Variants in AFF4 observed in about 807,000 individuals in gnomAD.
AFF4 encodes the protein AF4/FMR2 family member 4.
Under a neutral mutation model 124.8 loss-of-function variants are expected in AFF4, and 13 were observed. That is an observed-to-expected ratio of 0.10 (90% CI 0.07 to 0.17). The LOEUF (loss-of-function observed/expected upper bound fraction) is 0.17, where lower values mean the gene tolerates loss of function less well. Among genes scored for constraint, AFF4 ranks in the 10% least tolerant of loss-of-function variants. The pLI is 1.00. For missense variants in AFF4, 1,092 were observed against 1,403.8 expected, an observed-to-expected ratio of 0.78 and a Z score of 3.55; for synonymous variants, 477 against 496.1, an observed-to-expected ratio of 0.96 and a Z score of 0.51.
At chr5:132,956,450 G>A (rs1761959061) in intron 1 of AFF4, among the ~76,000 whole-genome samples, 1 of 151,940 alleles carries the variant, frequency 6.6e-6, no homozygotes, top group African/African-American at 2.4e-5. Context: ...GGCCAACCTG[G>A]CAAAACCCCA....
chr5:132,907,582 G>A (rs1441902953), intron 5 of AFF4, among the ~76,000 whole-genome samples: 1 of 152,098 alleles, frequency 6.6e-6, no homozygotes, highest in Non-Finnish European at 1.5e-5. Flanking sequence ...GTTTGTAATT[G>A]TGCATGCATG....
intron 10 of AFF4, 74 bp from the exon 11 acceptor site, chr5:132,897,314 A>C: frequency 6.7e-7 from 1 of 1,491,656 alleles, no homozygotes; most frequent in Non-Finnish European, 9.1e-7. Context: ...TTACAACCTC[A>C]AAGAAGAGGA....
chr5:132,961,152 G>A (rs1762072708), intron 1 of AFF4, among the ~76,000 whole-genome samples: 1 of 152,072 alleles, frequency 6.6e-6, no homozygotes, highest in South Asian at 2.1e-4. Flanking sequence ...TTGAACCCAG[G>A]AGGCAGAGGT....
chr5:132,916,821 A>G (rs1281523637), intron 5 of AFF4, among the ~76,000 whole-genome samples: 1 of 152,234 alleles, frequency 6.6e-6, no homozygotes, highest in Admixed American at 6.5e-5. Flanking sequence ...AACTTTTAAA[A>G]TCAAATTCAG....
chr5:132,944,622 G>A (rs62381910), intron 1 of AFF4, among the ~76,000 whole-genome samples: 17,746 of 152,006 alleles, frequency 0.12, 1,882 homozygotes, highest in East Asian at 0.45. Flanking sequence ...ACTCCAGCCT[G>A]AGTGACAGAG....
At chr5:132,951,163 G>A (rs1035675237) in intron 1 of AFF4, among the ~76,000 whole-genome samples, 4 of 151,884 alleles carry the variant, frequency 2.6e-5, no homozygotes, top group African/African-American at 9.7e-5. Flanking sequence ...GGCAGAGGTT[G>A]CAGCGAGCAG....
At chr5:132,958,465 CAAAAA>C (rs34337170) in intron 1 of AFF4, among the ~76,000 whole-genome samples, 10 of 55,710 alleles carry the variant, frequency 1.8e-4, no homozygotes, top group South Asian at 1.4e-3. Context: ...GACCCTGTCT[CAAAAA>C]AAAAAAAAAA....
chr5:132,957,196 C>A (rs776680663), intron 1 of AFF4, among the ~76,000 whole-genome samples: 3 of 151,468 alleles, frequency 2.0e-5, no homozygotes, highest in Non-Finnish European at 2.9e-5. Flanking sequence ...AAAAATTTAG[C>A]CAGGTATGGT....
chr5:132,951,031 C>A (rs549770861), intron 1 of AFF4, among the ~76,000 whole-genome samples: 2 of 152,304 alleles, frequency 1.3e-5, no homozygotes, highest in Admixed American at 1.3e-4. Context: ...TCAAGACCAG[C>A]CTGGCCAACA....
chr5:132,941,803 T>C (rs942456360), intron 1 of AFF4, among the ~76,000 whole-genome samples: 2 of 151,972 alleles, frequency 1.3e-5, no homozygotes, highest in African/African-American at 4.8e-5. Flanking sequence ...AGGTCAGGCA[T>C]TTGAGATGAG....
chr5:132,927,741 A>G (rs183928525), intron 4 of AFF4, among the ~76,000 whole-genome samples: 1 of 152,358 alleles, frequency 6.6e-6, no homozygotes, highest in Admixed American at 6.5e-5. Context: ...AATGAACATT[A>G]TATTTCATCC....
intron 1 of AFF4, among the ~76,000 whole-genome samples, chr5:132,951,773 C>T (rs1761848073): frequency 6.6e-6 from 1 of 152,002 alleles, no homozygotes; most frequent in South Asian, 2.1e-4. Context: ...AGTGATCGGC[C>T]CACCTCGGCC....
At chr5:132,886,474 T>G (rs1239310312) in intron 17 of AFF4, 71 bp from the exon 18 acceptor site, 1 of 1,410,200 alleles carries the variant, frequency 7.1e-7, no homozygotes, top group Non-Finnish European at 1.0e-6. Context: ...AGACAGCCTT[T>G]GCATTGTGCA....
intron 1 of AFF4, among the ~76,000 whole-genome samples, chr5:132,957,346 T>C (rs964231042): frequency 6.6e-6 from 1 of 151,754 alleles, no homozygotes; most frequent in Non-Finnish European, 1.5e-5. Flanking sequence ...TCCAAAAAAA[T>C]AATAATTATT....
intron 20 of AFF4, 71 bp from the exon 21 acceptor site, chr5:132,881,257 G>A: frequency 6.6e-7 from 1 of 1,524,016 alleles, no homozygotes; most frequent in South Asian, 1.2e-5. Flanking sequence ...TATGAGTAGA[G>A]ATTATAAAAC....
rs374744655 is a variant in AFF4 at position 132,896,303 on chromosome 5, A to T, written c.2307+20T>A. ...CAGATTCTGATGTTTCAAAACAAAC[A>T]ACAAAAACCCTTCACAAACCTTATG... On this transcript the variant is annotated intron_variant, in intron 11 of 20. Transcript: ENST00000265343. 9.7e-6 allele frequency: 15 copies of T among 1,553,094 alleles called. No homozygotes were observed. In the African/African-American group the frequency reaches 2.1e-4, roughly 21 times the overall value.
chr5:132,934,390 A>G lies in AFF4; in HGVS notation c.675T>C (p.Arg225=). ...AGTGCTGCCCACTTGAAAAAGGTAC[A>G]CGGGAAGGAGAATCCCAGTTTGCAT... ...DPDANWDSPS[R]VPFSSGQHST... is the part of the protein sequence containing the mutation. The change falls in exon 3 of 21, where the codon CGT becomes CGC. Residue 225 remains arginine, a synonymous_variant. Coordinates refer to ENST00000265343, the MANE Select transcript of AFF4 (RefSeq NM_014423.4). 1 of 1,614,118 alleles carries G rather than the reference A, an allele frequency of 6.2e-7. No individual in the cohort carries two copies.
intron 1 of AFF4, among the ~76,000 whole-genome samples, chr5:132,945,802 T>C (rs1348567323): frequency 6.6e-6 from 1 of 151,562 alleles, no homozygotes; most frequent in African/African-American, 2.4e-5. Context: ...GGCTCGCGCC[T>C]GTAATCCTAG....
At chr5:132,936,932 T>G in intron 2 of AFF4, 135 bp downstream of exon 2, 2 of 1,196,138 alleles carry the variant, frequency 1.7e-6, no homozygotes, top group Non-Finnish European at 2.3e-6. Context: ...ATATCTTCTA[T>G]GTAAAGGACA....
Sources: gnomAD v4.1 joint callset for allele counts (sites outside exome capture counted in the v4.1 genomes callset) on GRCh38, gnomAD v4.1.1 for gene constraint, MANE v1.5 for transcripts, NCBI Gene and HGNC (gene_info 2026-07-23, HGNC 2026-07-21) for gene names.